Variants in PARG observed in about 807,000 individuals in gnomAD.
PARG encodes the protein poly(ADP-ribose) glycohydrolase, also known as mitochondrial poly(ADP-ribose) glycohydrolase.
In PARG, 35 loss-of-function variants were observed where a neutral mutation model predicts 113.0. That is an observed-to-expected ratio of 0.31 (90% confidence interval 0.24 to 0.41). The LOEUF is 0.41. Ranked by LOEUF, PARG falls within the 10% of genes least tolerant of loss-of-function variation. The pLI, the probability that PARG is intolerant of heterozygous loss-of-function variation, is 1.00. For synonymous variants in PARG, 330 were observed against 409.9 expected, an observed-to-expected ratio of 0.81 and a Z score of 2.36; for missense variants, 797 against 1,169.4, an observed-to-expected ratio of 0.68 and a Z score of 4.64.
intron 15 of PARG, among the ~76,000 whole-genome samples, chr10:49,837,604 G>A (rs1845007520): frequency 6.6e-6 from 1 of 152,140 alleles, no homozygotes; most frequent in South Asian, 2.1e-4. Flanking sequence ...ACTAGTAAGG[G>A]ACAAATGCTT....
In PARG at chr10:49,927,707, C is replaced by T. The variant is rs538148225; in HGVS notation, c.1455+4393G>A. Among the ~76,000 whole-genome samples, 405 of 152,042 alleles carry T rather than the reference C, an allele frequency of 2.7e-3. 4 individuals are homozygous for T. The highest frequency in any genetic ancestry group is 9.4e-3 in the African/African-American group (389 of 41,484). On this transcript the variant is annotated intron_variant, in intron 4 of 17. Coordinates refer to ENST00000616448, the MANE Select transcript of PARG (RefSeq NM_003631.5). Reference sequence around the variant, plus strand: ...AAATGTGGCCAGGCACAGTTGCTCACGCCTGCAATCTCAACACTTTGGGAG... The same window carrying T: ...AAATGTGGCCAGGCACAGTTGCTCATGCCTGCAATCTCAACACTTTGGGAG...
chr10:49,912,573 A>C (rs373269441), intron 7 of PARG, among the ~76,000 whole-genome samples: 1 of 151,940 alleles, frequency 6.6e-6, no homozygotes, highest in Non-Finnish European at 1.5e-5. Flanking sequence ...TGAGGCAGGC[A>C]AATGGCTTGA....
intron 15 of PARG, among the ~76,000 whole-genome samples, chr10:49,836,357 G>C (rs889755865): frequency 1.6e-4 from 20 of 123,308 alleles, no homozygotes; most frequent in Non-Finnish European, 2.1e-4. Context: ...GGGTTCAGTG[G>C]TGTGATCCTA....
chr10:49,924,971 C>T (rs1838079869), intron 4 of PARG, among the ~76,000 whole-genome samples: 1 of 152,164 alleles, frequency 6.6e-6, no homozygotes, highest in Admixed American at 6.5e-5. Flanking sequence ...CAAGGCTGAG[C>T]TCTGCCTTCT....
At chr10:49,891,327 TA>T (rs1413272654) in intron 7 of PARG, among the ~76,000 whole-genome samples, 1 of 150,224 alleles carries the variant, frequency 6.7e-6, no homozygotes, top group African/African-American at 2.4e-5. Flanking sequence ...AATAAATAAA[TA>T]AAAAATAAAA....
intron 11 of PARG, among the ~76,000 whole-genome samples, chr10:49,863,526 A>AT (rs1408681456): frequency 1.5e-5 from 1 of 66,282 alleles, no homozygotes; most frequent in African/African-American, 5.4e-5. Context: ...CAGTCTCTGC[A>AT]TTTTGACCTG....
At chr10:49,848,244 G>A (rs1845601768) in intron 13 of PARG, among the ~76,000 whole-genome samples, 1 of 149,222 alleles carries the variant, frequency 6.7e-6, no homozygotes, top group African/African-American at 2.5e-5. Context: ...AGCTACTCAG[G>A]AGGCTGAGGC....
chr10:49,928,270 C>T (rs1838315361), intron 4 of PARG, among the ~76,000 whole-genome samples: 1 of 147,684 alleles, frequency 6.8e-6, no homozygotes, highest in Non-Finnish European at 1.5e-5. Context: ...GACTCCATCT[C>T]GAAAAAAAAA....
At chr10:49,918,742 T>C (rs782141067) in intron 6 of PARG, among the ~76,000 whole-genome samples, 2 of 152,184 alleles carry the variant, frequency 1.3e-5, no homozygotes, top group Non-Finnish European at 2.9e-5. Context: ...CAAAGCATTC[T>C]TTCAGCAAAG....
At chr10:49,824,666 G>A (rs886611888) in intron 16 of PARG, among the ~76,000 whole-genome samples, 3 of 152,126 alleles carry the variant, frequency 2.0e-5, no homozygotes, top group Non-Finnish European at 4.4e-5. Context: ...TGTAATATTG[G>A]TAACAACTGC....
intron 16 of PARG, among the ~76,000 whole-genome samples, chr10:49,828,798 C>T (rs1554829850): frequency 6.6e-6 from 1 of 152,014 alleles, no homozygotes; most frequent in Non-Finnish European, 1.5e-5. Context: ...TCCCTTGAGC[C>T]CAGGAGGTTG....
intron 16 of PARG, among the ~76,000 whole-genome samples, chr10:49,823,011 A>G (rs1307849708): frequency 6.6e-6 from 1 of 152,192 alleles, no homozygotes; most frequent in Non-Finnish European, 1.5e-5. Context: ...GCTAGAGGGG[A>G]AAAAGGCTAG....
chr10:49,848,957 A>G (rs1309127146), intron 13 of PARG, among the ~76,000 whole-genome samples: 1 of 151,854 alleles, frequency 6.6e-6, no homozygotes, highest in Admixed American at 6.6e-5. Context: ...TAAGATGTCA[A>G]TTCCGAGGTG....
At chr10:49,891,617 ATATATATTTTTTT>A (rs1455639008) in intron 7 of PARG, among the ~76,000 whole-genome samples, 9 of 48,322 alleles carry the variant, frequency 1.9e-4, no homozygotes, top group African/African-American at 8.7e-4. Context: ...ATATATATAT[ATATATATTTTTTT>A]TTTTTTTTTT....
intron 7 of PARG, among the ~76,000 whole-genome samples, chr10:49,913,147 G>A (rs1282647848): frequency 1.3e-5 from 2 of 152,186 alleles, no homozygotes; most frequent in African/African-American, 2.4e-5. Flanking sequence ...CACTGCAAGC[G>A]TGGGCAATGT....
At chr10:49,862,566 CAG>C (rs1415770949) in intron 11 of PARG, among the ~76,000 whole-genome samples, 1 of 151,434 alleles carries the variant, frequency 6.6e-6, no homozygotes, top group African/African-American at 2.4e-5. Flanking sequence ...AGCTTTAACT[CAG>C]AAGGTAATTC....
At chr10:49,928,412 CA>C (rs1361962135) in intron 4 of PARG, among the ~76,000 whole-genome samples, 1 of 152,132 alleles carries the variant, frequency 6.6e-6, no homozygotes, top group Non-Finnish European at 1.5e-5. Context: ...TTGAGCTTCA[CA>C]AAAGGGGAAC....
At position 49,818,703 on chromosome 10, in the gene PARG, AAGAC is replaced by A. The variant is rs1449483351; in HGVS notation, c.*633_*636del. 2 of 152,240 alleles carry A rather than the reference AAGAC, an allele frequency of 1.3e-5. No individual in the cohort carries two copies. Among genetic ancestry groups the A allele is most frequent in the Non-Finnish European group, 2.9e-5 (2 of 68,050 alleles). The allele number at this position is 152,240 out of a possible 1,614,324, so 9.4% of individuals were successfully genotyped here. A position where few individuals can be genotyped will look rare whatever the true frequency, so the allele number is the denominator to read the frequency against. On this transcript the variant is annotated 3_prime_UTR_variant, in exon 18 of 18. Transcript: ENST00000616448. ...TAAAAAAATACTGATCAGAGGAAAA[AAGAC>A]AGACAAACCATTACAGATAAAAATG...
chr10:49,859,572 A>T (rs1462273235), intron 12 of PARG, among the ~76,000 whole-genome samples: 3 of 152,214 alleles, frequency 2.0e-5, no homozygotes. Flanking sequence ...TGTGACTACA[A>T]ATGAGAAACA....
Sources: allele counts gnomAD v4.1 joint callset (sites outside exome capture counted in the v4.1 genomes callset), GRCh38; gene constraint gnomAD v4.1.1; transcripts MANE v1.5; gene names NCBI Gene and HGNC (gene_info 2026-07-23, HGNC 2026-07-21).